PHTF2: variants seen among roughly 807,000 people sequenced by gnomAD.
PHTF2 encodes the protein putative homeodomain transcription factor 2, also known as protein PHTF2.
A neutral mutation model predicts 101.2 loss-of-function variants in PHTF2; 60 were observed. That is an observed-to-expected ratio of 0.59 (90% CI 0.48 to 0.73). PHTF2 has a LOEUF of 0.73. Ranked by LOEUF, PHTF2 falls within the 30% of genes least tolerant of loss-of-function variation. The pLI, the probability that PHTF2 is intolerant of heterozygous loss-of-function variation, is 0.00. For synonymous variants in PHTF2, 311 were observed against 307.3 expected, an observed-to-expected ratio of 1.01 and a Z score of -0.13; for missense variants, 747 against 908.7, an observed-to-expected ratio of 0.82 and a Z score of 2.29.
intron 3 of PHTF2, among the ~76,000 whole-genome samples, chr7:77,889,764 T>G (rs141446740): frequency 0.026 from 3,930 of 151,760 alleles, 71 homozygotes; most frequent in South Asian, 0.039. Flanking sequence ...CTAATTTTTT[T>G]TGTGTGTGTG....
At chr7:77,867,298 C>G (rs747385373) in intron 3 of PHTF2, among the ~76,000 whole-genome samples, 4 of 152,074 alleles carry the variant, frequency 2.6e-5, no homozygotes, top group Non-Finnish European at 4.4e-5. Context: ...TGATCAGAAC[C>G]AAGGCAAGTG....
intron 3 of PHTF2, among the ~76,000 whole-genome samples, chr7:77,861,526 T>C (rs2150674041): frequency 6.6e-6 from 1 of 152,354 alleles, no homozygotes; most frequent in Admixed American, 6.5e-5. Flanking sequence ...GTGGTTATTG[T>C]CTATTATGAC....
At chr7:77,804,889 A>G (rs1271692051) in intron 1 of PHTF2, among the ~76,000 whole-genome samples, 1 of 152,196 alleles carries the variant, frequency 6.6e-6, no homozygotes, top group African/African-American at 2.4e-5. Flanking sequence ...AGTTCTTCCC[A>G]CAGCTTCCTT....
rs189057270 is a variant in PHTF2, at chr7:77,879,748, T to G, written c.148-13860T>G. ...ATGGTTTTGTTGTTAAAATATCTCT[T>G]TAGCTGAAAGTTTCTCTTATGTATC... is the stretch of plus-strand genomic sequence containing the variant. On this transcript the variant is annotated intron_variant, in intron 3 of 19. Coordinates refer to ENST00000416283, the Ensembl canonical transcript of PHTF2. Among the ~76,000 whole-genome samples, 46 of 152,304 alleles carry G rather than the reference T, an allele frequency of 3.0e-4. No individual in the cohort carries two copies. The East Asian group carries it at 8.1e-3, about 27-fold the overall frequency.
intron 3 of PHTF2, among the ~76,000 whole-genome samples, chr7:77,865,057 A>T (rs1444128856): frequency 6.6e-6 from 1 of 152,012 alleles, no homozygotes; most frequent in Non-Finnish European, 1.5e-5. Context: ...GATAGTATTC[A>T]CTGAGGAAAA....
chr7:77,894,869 C>T (rs762534401), intron 5 of PHTF2, among the ~76,000 whole-genome samples: 5 of 151,996 alleles, frequency 3.3e-5, no homozygotes, highest in Non-Finnish European at 5.9e-5. Context: ...CAGGACTCCC[C>T]AAGGAGTTTG....
chr7:77,833,820 T>G (rs1349979115), intron 1 of PHTF2, among the ~76,000 whole-genome samples: 1 of 152,138 alleles, frequency 6.6e-6, no homozygotes, highest in East Asian at 1.9e-4. Flanking sequence ...TGAGACCCTA[T>G]CTCTAAAAAT....
chr7:77,886,822 T>C (rs1474700702), intron 3 of PHTF2, among the ~76,000 whole-genome samples: 1 of 152,034 alleles, frequency 6.6e-6, no homozygotes, highest in Non-Finnish European at 1.5e-5. Context: ...GGTGGGTGGA[T>C]TGCTTGAGCC....
At chr7:77,920,819 C>A (rs1803387349) in intron 10 of PHTF2, among the ~76,000 whole-genome samples, 1 of 152,052 alleles carries the variant, frequency 6.6e-6, no homozygotes, top group South Asian at 2.1e-4. Context: ...GTAGCTAGAA[C>A]TACAGGCATG....
intron 3 of PHTF2, among the ~76,000 whole-genome samples, chr7:77,891,884 A>G (rs1190617571): frequency 1.3e-5 from 2 of 152,166 alleles, no homozygotes; most frequent in African/African-American, 4.8e-5. Context: ...CTCTGCACTC[A>G]GCCATAATAT....
chr7:77,954,843 T>TA lies in PHTF2; in HGVS notation c.2338-15_2338-14insA. On this transcript the variant is annotated splice_polypyrimidine_tract_variant and intron_variant, in intron 19 of 19. Coordinates refer to ENST00000416283, the Ensembl canonical transcript of PHTF2. ...TAAAACTGGCTTGTCACCACTTCTA[T>TA]TTTTTTTTTTCTAGCTATGGAAGAT... 1.0e-6 allele frequency: 1 copy of TA among 984,976 alleles called. No homozygotes were observed. Among genetic ancestry groups the TA allele is most frequent in the Non-Finnish European group, 1.4e-6 (1 of 710,292 alleles). 61.0% of individuals were successfully genotyped at this position (984,976 alleles called of 1,614,324 possible).
chr7:77,903,134 T>C (rs770895821), intron 7 of PHTF2, among the ~76,000 whole-genome samples: 6 of 152,320 alleles, frequency 3.9e-5, no homozygotes, highest in South Asian at 4.1e-4. Flanking sequence ...TAAATATAAC[T>C]TCTAAGTTAC....
chr7:77,875,888 G>A (rs975002112), intron 3 of PHTF2, among the ~76,000 whole-genome samples: 3 of 152,176 alleles, frequency 2.0e-5, no homozygotes, highest in Admixed American at 6.5e-5. Flanking sequence ...AACACTTCAT[G>A]TGTGCCACAC....
At chr7:77,822,657 C>T (rs868813191) in intron 1 of PHTF2, among the ~76,000 whole-genome samples, 42 of 152,132 alleles carry the variant, frequency 2.8e-4, no homozygotes, top group African/African-American at 1.0e-3. Flanking sequence ...CCTCCTGACT[C>T]TGGGCTGATC....
intron 3 of PHTF2, among the ~76,000 whole-genome samples, chr7:77,878,927 ATC>A (rs1302203413): frequency 6.6e-6 from 1 of 152,196 alleles, no homozygotes; most frequent in African/African-American, 2.4e-5. Context: ...AGATAGATCT[ATC>A]TAGATCTAGC....
At chr7:77,952,194 T>C (rs1320407198) in intron 18 of PHTF2, among the ~76,000 whole-genome samples, 2 of 152,108 alleles carry the variant, frequency 1.3e-5, no homozygotes, top group Non-Finnish European at 2.9e-5. Flanking sequence ...TCATAGTAAC[T>C]CTTTGGGGGT....
intron 9 of PHTF2, among the ~76,000 whole-genome samples, chr7:77,912,287 C>T (rs1802467220): frequency 6.6e-6 from 1 of 152,196 alleles, no homozygotes; most frequent in Non-Finnish European, 1.5e-5. Context: ...CTGTGTTTAT[C>T]TCATTTTGGG....
At chr7:77,822,903 TC>T (rs1344452673) in intron 1 of PHTF2, among the ~76,000 whole-genome samples, 1 of 134,576 alleles carries the variant, frequency 7.4e-6, no homozygotes, top group Non-Finnish European at 1.6e-5. Context: ...AATATTTAAA[TC>T]TTTTTTTTTT....
chr7:77,949,546 A>G (rs1806359046), intron 16 of PHTF2, 132 bp from the exon 16 acceptor site: 1 of 589,980 alleles, frequency 1.7e-6, no homozygotes, highest in East Asian at 2.9e-5. Flanking sequence ...ATATGCTTAA[A>G]ATATTTCATA....
Sources: gnomAD v4.1 joint callset for allele counts (sites outside exome capture counted in the v4.1 genomes callset) on GRCh38, gnomAD v4.1.1 for gene constraint, MANE v1.5 for transcripts, NCBI Gene and HGNC (gene_info 2026-07-23, HGNC 2026-07-21) for gene names.